Variants in RPAP3 observed in about 807,000 individuals in gnomAD.
RPAP3 encodes RNA polymerase II associated protein 3.
RPAP3 carries 58 observed loss-of-function variants against 88.8 expected under a neutral mutation model. The observed-to-expected ratio is 0.65, with a 90% CI of 0.53 to 0.81. The LOEUF (loss-of-function observed/expected upper bound fraction) is 0.81, where lower values mean the gene tolerates loss of function less well. RPAP3 is among the 40% of genes least tolerant of loss of function. RPAP3 has a pLI of 0.00. For synonymous variants in RPAP3, 255 were observed against 259.9 expected (o/e 0.98, Z 0.18); for missense variants, 751 against 764.3 (o/e 0.98, Z 0.20).
At position 47,667,037 on chromosome 12, in the gene RPAP3, A is replaced by G. The variant is rs745940783; in HGVS notation, c.1855T>C (p.Ser619Pro). The change falls in exon 16 of 17, where the codon TCT (serine) becomes CCT (proline). Residue 619 changes from serine to proline, a missense_variant. Transcript: ENST00000005386. Reference protein sequence around the residue: ...LLIFEILQRLSELKRFDMAVM... With the variant: ...LLIFEILQRLPELKRFDMAVM... ...GCCATATCAAACCTTTTTAGTTCAG[A>G]AAGTCTTTGTAAGATTTCAAAGATG... is the stretch of plus-strand genomic sequence containing the variant. 121 of 1,524,716 alleles carry G rather than the reference A, an allele frequency of 7.9e-5. No individual in the cohort carries two copies. Among genetic ancestry groups the G allele is most frequent in the Non-Finnish European group, 1.0e-4 (120 of 1,143,452 alleles). The allele number at this position is 1,524,716 out of a possible 1,614,324, so 94.4% of individuals were successfully genotyped here.
In RPAP3 at chr12:47,697,810, A is replaced by G. The variant is rs913974675; in HGVS notation, c.295-91T>C. 23 of 1,173,932 alleles carry G rather than the reference A, an allele frequency of 2.0e-5. No homozygotes were observed. The African/African-American group carries it at 3.0e-4, about 15-fold the overall frequency. The allele number at this position is 1,173,932 out of a possible 1,614,324, so 72.7% of individuals were successfully genotyped here. ...ATACTAAAAAAATACACTCAAATGA[A>G]TGTAAATTGTTACAATCTAAGGACC... is the stretch of plus-strand genomic sequence containing the variant. On this transcript the variant is annotated intron_variant, in intron 3 of 16. Coordinates refer to ENST00000005386, the MANE Select transcript of RPAP3 (RefSeq NM_024604.3).
At chr12:47,695,064 T>A (rs1939496541) in intron 5 of RPAP3, among the ~76,000 whole-genome samples, 1 of 145,800 alleles carries the variant, frequency 6.9e-6, no homozygotes, top group African/African-American at 2.6e-5. Context: ...ATTGCTGAAA[T>A]AAGGAAAGAA....
chr12:47,686,624 ATAAAT>A (rs1939329516), intron 9 of RPAP3, among the ~76,000 whole-genome samples, 151 bp downstream of exon 9: 1 of 152,120 alleles, frequency 6.6e-6, no homozygotes, highest in African/African-American at 2.4e-5. Context: ...TCAAAAATAC[ATAAAT>A]TAAATTTTAA....
In RPAP3 at chr12:47,676,809, G is replaced by GT. The variant is rs541228353; in HGVS notation, c.1287+2683_1287+2684insA. On this transcript the variant is annotated intron_variant, in intron 12 of 16. Coordinates refer to ENST00000005386, the MANE Select transcript of RPAP3 (RefSeq NM_024604.3). The stretch of plus-strand genomic sequence containing the variant: ...GGATTCACAGCTGAATTCTACCAGA[G>GT]GTACAAAGAGGAGCTGGTACCATTC... 2.7e-3 allele frequency among the ~76,000 whole-genome samples: 404 copies of GT among 152,154 alleles called. 4 individuals carry two copies. Among genetic ancestry groups the GT allele is most frequent in the African/African-American group, 9.3e-3 (384 of 41,486 alleles).
chr12:47,692,851 A>C (rs996517881), intron 5 of RPAP3, among the ~76,000 whole-genome samples: 3 of 152,250 alleles, frequency 2.0e-5, no homozygotes. Context: ...TTTCACTTGA[A>C]TACTTATATG....
chr12:47,686,088 C>T (rs1939315453), intron 9 of RPAP3, among the ~76,000 whole-genome samples: 1 of 152,134 alleles, frequency 6.6e-6, no homozygotes, highest in Non-Finnish European at 1.5e-5. Context: ...GAAGAAGTTT[C>T]GAATTCCTAT....
intron 3 of RPAP3, among the ~76,000 whole-genome samples, chr12:47,697,993 T>C (rs547216337): frequency 6.6e-6 from 1 of 152,274 alleles, no homozygotes; most frequent in South Asian, 2.1e-4. Flanking sequence ...AATCACGAAC[T>C]ATTAGCAGTT....
At chr12:47,666,571 A>G (rs1938877329) in intron 16 of RPAP3, among the ~76,000 whole-genome samples, 2 of 152,136 alleles carry the variant, frequency 1.3e-5, no homozygotes, top group Admixed American at 1.3e-4. Flanking sequence ...GATCCTTTAC[A>G]TAGTAACAGT....
In RPAP3 at chr12:47,670,701, T is replaced by C. The variant is rs577816441; in HGVS notation, c.1288-356A>G. 8.5e-5 allele frequency among the ~76,000 whole-genome samples: 13 copies of C among 152,088 alleles called. No homozygotes were observed. In the East Asian group the frequency reaches 2.5e-3, roughly 29 times the overall value. On this transcript the variant is annotated intron_variant, in intron 12 of 16. Transcript: ENST00000005386. ...ACACAGGAATGGCAAAGTTGAAGGG[T>C]GCAGCACAGTCAGTGGAAAGGTGAG...
At chr12:47,693,851 C>G (rs1033335550) in intron 5 of RPAP3, among the ~76,000 whole-genome samples, 3 of 152,298 alleles carry the variant, frequency 2.0e-5, no homozygotes, top group South Asian at 2.1e-4. Flanking sequence ...GAGAGACCAA[C>G]AAGAGACAAA....
intron 12 of RPAP3, among the ~76,000 whole-genome samples, chr12:47,676,399 A>G (rs1939117155): frequency 6.6e-6 from 1 of 152,232 alleles, no homozygotes; most frequent in Non-Finnish European, 1.5e-5. Context: ...CTATGATCAG[A>G]GCAGAACTGA....
intron 12 of RPAP3, among the ~76,000 whole-genome samples, chr12:47,676,830 C>G (rs1939125915): frequency 6.6e-6 from 1 of 152,194 alleles, no homozygotes; most frequent in African/African-American, 2.4e-5. Flanking sequence ...GAGCTGGTAC[C>G]ATTCCTCCTG....
Position 47,665,091 on chromosome 12 carries a change from A to ATT in RPAP3, c.1913-1503_1913-1502dup, listed in dbSNP as rs75507042. Among the ~76,000 whole-genome samples, 650 of 140,138 alleles carry ATT rather than the reference A, an allele frequency of 4.6e-3. 7 individuals carry two copies. Among genetic ancestry groups the ATT allele is most frequent in the African/African-American group, 0.016 (612 of 37,974 alleles). 91.9% of individuals were successfully genotyped at this position (140,138 alleles called of 152,430 possible). ...CCAAAATAAGTTTGGCAGTTTGGTA[A>ATT]TTTTTTTTTTTTTTTTTTGAGACAG... On this transcript the variant is annotated intron_variant, in intron 16 of 16. Coordinates refer to ENST00000005386, the MANE Select transcript of RPAP3 (RefSeq NM_024604.3).
chr12:47,680,309 G>A (rs1422698982), intron 10 of RPAP3, among the ~76,000 whole-genome samples: 1 of 152,136 alleles, frequency 6.6e-6, no homozygotes, highest in African/African-American at 2.4e-5. Flanking sequence ...GAGGAGAATG[G>A]AGAGTTATTG....
At chr12:47,682,482 A>C (rs1939240684) in intron 9 of RPAP3, among the ~76,000 whole-genome samples, 1 of 152,152 alleles carries the variant, frequency 6.6e-6, no homozygotes, top group Admixed American at 6.6e-5. Flanking sequence ...AGGAGTGCTA[A>C]TGGTTGTGGT....
At chr12:47,697,501 C>G (rs1228002320) in intron 4 of RPAP3, 96 bp downstream of exon 4, 1 of 1,153,048 alleles carries the variant, frequency 8.7e-7, no homozygotes, top group East Asian at 2.6e-5. Flanking sequence ...AAAGTTTAAA[C>G]ACGTACTAAA....
chr12:47,670,212 G>A lies in RPAP3; in HGVS notation c.1421C>T (p.Thr474Ile). The A allele has an allele frequency of 6.2e-7, 1 of 1,613,876 alleles. No individual in the cohort carries two copies. Among genetic ancestry groups the A allele is most frequent in the Non-Finnish European group, 8.5e-7 (1 of 1,179,850 alleles). Reference sequence around the variant, plus strand: ...TTGGCTTGAATTCTTCTTACTTGTGGTGCCTGTGGCTGCTATTACATTTGC... The same window carrying A: ...TTGGCTTGAATTCTTCTTACTTGTGATGCCTGTGGCTGCTATTACATTTGC... The part of the protein sequence containing the change: ...NLANVIAATG[T>I]TSKKNSSQDD... Residue 474 changes from threonine to isoleucine, a missense_variant, in exon 13 of 17, where the codon ACC becomes ATC. Coordinates refer to ENST00000005386, the MANE Select transcript of RPAP3 (RefSeq NM_024604.3).
At chr12:47,691,981 G>A (rs535428683) in intron 5 of RPAP3, among the ~76,000 whole-genome samples, 3 of 152,204 alleles carry the variant, frequency 2.0e-5, no homozygotes, top group East Asian at 1.9e-4. Context: ...TCCTGACCTT[G>A]TGATCTGCCC....
At chr12:47,666,116 G>GA (rs1043250736) in intron 16 of RPAP3, among the ~76,000 whole-genome samples, 9 of 150,112 alleles carry the variant, frequency 6.0e-5, no homozygotes, top group Non-Finnish European at 1.0e-4. Context: ...TTATTAAAAA[G>GA]AAAAAAAAAG....
Sources: allele counts gnomAD v4.1 joint callset (sites outside exome capture counted in the v4.1 genomes callset), GRCh38; gene constraint gnomAD v4.1.1; transcripts MANE v1.5; gene names NCBI Gene and HGNC (gene_info 2026-07-23, HGNC 2026-07-21).